ZBTB7C: variants seen among roughly 807,000 people sequenced by gnomAD.
ZBTB7C encodes the protein zinc finger and BTB domain containing 7C.
Under a neutral mutation model 25.7 loss-of-function variants are expected in ZBTB7C, and 8 were observed. The ratio of observed to expected loss-of-function variants is 0.31; its 90% confidence interval spans 0.18 to 0.56. The LOEUF is 0.56. Among genes scored for constraint, ZBTB7C ranks in the 20% least tolerant of loss-of-function variants. ZBTB7C has a pLI of 0.91. For missense variants in ZBTB7C, 824 were observed against 855.2 expected, an observed-to-expected ratio of 0.96 and a Z score of 0.46; for synonymous variants, 394 against 369.0, an observed-to-expected ratio of 1.07 and a Z score of -0.78.
intron 1 of ZBTB7C, among the ~76,000 whole-genome samples, chr18:48,371,595 C>G (rs544143304): frequency 6.6e-6 from 1 of 152,338 alleles, no homozygotes; most frequent in South Asian, 2.1e-4. Context: ...AGAGTGGGAG[C>G]TGGGCAGGAG....
rs150985763 is a variant in ZBTB7C at position 48,040,994 on chromosome 18, C to T, written c.114G>A (p.Leu38=). ...TCCGATACTCCTGCTCCTGCACCAC[C>T]AGGAGCACGTCACACAGCAGGCCAT... The part of the protein sequence containing the change: ...RHDGLLCDVL[L]VVQEQEYRTH... The change falls in exon 4 of 5, where the codon CTG becomes CTA. Residue 38 remains leucine (L), a synonymous_variant. Transcript: ENST00000590800. 1.0e-4 allele frequency: 165 copies of T among 1,614,050 alleles called. No individual in the cohort carries two copies. The highest frequency in any genetic ancestry group is 1.3e-4 in the Non-Finnish European group (158 of 1,180,032).
At chr18:48,195,208 G>A (rs1209885976) in intron 2 of ZBTB7C, among the ~76,000 whole-genome samples, 2 of 151,988 alleles carry the variant, frequency 1.3e-5, no homozygotes, top group African/African-American at 2.4e-5. Context: ...CTATTTTTTG[G>A]TAAATTGTTT....
intron 2 of ZBTB7C, among the ~76,000 whole-genome samples, chr18:48,285,255 T>C (rs909125176): frequency 9.9e-5 from 15 of 152,246 alleles, no homozygotes; most frequent in Non-Finnish European, 1.5e-4. Context: ...ACAGTAATTG[T>C]AGATTTGTCT....
intron 2 of ZBTB7C, among the ~76,000 whole-genome samples, chr18:48,245,643 A>G (rs540430404): frequency 4.3e-4 from 66 of 152,300 alleles, no homozygotes; most frequent in Non-Finnish European, 8.1e-4. Flanking sequence ...CATCAAAACA[A>G]GGGGGCAAAC....
chr18:48,094,276 TG>T (rs1347209855), intron 3 of ZBTB7C, among the ~76,000 whole-genome samples: 1 of 152,208 alleles, frequency 6.6e-6, no homozygotes, highest in Non-Finnish European at 1.5e-5. Flanking sequence ...TTTTAGCTCA[TG>T]TGCAACTATT....
At chr18:48,031,090 T>G (rs544478267) in intron 4 of ZBTB7C, among the ~76,000 whole-genome samples, 1 of 152,212 alleles carries the variant, frequency 6.6e-6, no homozygotes, top group Non-Finnish European at 1.5e-5. Flanking sequence ...AGATGTGGAG[T>G]CCAGGTGTCC....
intron 1 of ZBTB7C, among the ~76,000 whole-genome samples, chr18:48,361,459 T>C (rs955246996): frequency 6.6e-6 from 1 of 152,216 alleles, no homozygotes; most frequent in Non-Finnish European, 1.5e-5. Flanking sequence ...TTGCTAAACA[T>C]AGAAATCTAA....
At chr18:48,221,718 C>T (rs1374424038) in intron 2 of ZBTB7C, among the ~76,000 whole-genome samples, 3 of 150,232 alleles carry the variant, frequency 2.0e-5, no homozygotes, top group Admixed American at 2.0e-4. Context: ...TCCAAGTCTC[C>T]ATCTATACTG....
chr18:48,406,522 T>C (rs1016761303), intron 1 of ZBTB7C, among the ~76,000 whole-genome samples: 3 of 152,170 alleles, frequency 2.0e-5, no homozygotes, highest in Non-Finnish European at 4.4e-5. Context: ...GGAATGCTGA[T>C]GAGATTAGCA....
chr18:48,275,234 A>T (rs2044609891), intron 2 of ZBTB7C, among the ~76,000 whole-genome samples: 1 of 152,188 alleles, frequency 6.6e-6, no homozygotes, highest in Non-Finnish European at 1.5e-5. Flanking sequence ...ATGCATGCTA[A>T]TGACTGGCCC....
intron 1 of ZBTB7C, among the ~76,000 whole-genome samples, chr18:48,380,356 T>C (rs1297123854): frequency 1.3e-5 from 2 of 152,160 alleles, no homozygotes; most frequent in African/African-American, 4.8e-5. Context: ...TGGCAGATGG[T>C]GGGAGCCAGG....
chr18:48,231,346 T>C (rs893880300), intron 2 of ZBTB7C, among the ~76,000 whole-genome samples: 1 of 152,142 alleles, frequency 6.6e-6, no homozygotes, highest in African/African-American at 2.4e-5. Flanking sequence ...AAAACCCTGG[T>C]CTCAGCCAGA....
At chr18:48,382,656 A>G (rs1307849574) in intron 1 of ZBTB7C, among the ~76,000 whole-genome samples, 3 of 152,222 alleles carry the variant, frequency 2.0e-5, no homozygotes, top group Admixed American at 6.5e-5. Context: ...CCCTAATAGA[A>G]TATAACTCAA....
At chr18:48,293,125 G>C (rs899274819) in intron 2 of ZBTB7C, among the ~76,000 whole-genome samples, 5 of 152,226 alleles carry the variant, frequency 3.3e-5, no homozygotes, top group Admixed American at 1.3e-4. Flanking sequence ...AGTCCGTGTG[G>C]GCTGCCATAA....
chr18:48,272,849 G>A (rs548951181), intron 2 of ZBTB7C, among the ~76,000 whole-genome samples: 1 of 152,116 alleles, frequency 6.6e-6, no homozygotes, highest in African/African-American at 2.4e-5. Flanking sequence ...ATTTATGCTA[G>A]GACATGGATG....
At chr18:48,133,655 A>C (rs1291616293) in intron 3 of ZBTB7C, among the ~76,000 whole-genome samples, 1 of 151,978 alleles carries the variant, frequency 6.6e-6, no homozygotes, top group Non-Finnish European at 1.5e-5. Context: ...AAAATCAAAC[A>C]AAAATTAACA....
chr18:48,270,253 CTT>C (rs760096959), intron 2 of ZBTB7C, among the ~76,000 whole-genome samples: 9,489 of 98,132 alleles, frequency 0.097, 149 homozygotes, highest in East Asian at 0.13. Flanking sequence ...TTCTCTCTTT[CTT>C]TTTTTTTTTT....
intron 2 of ZBTB7C, among the ~76,000 whole-genome samples, chr18:48,211,643 A>T (rs1011607643): frequency 6.6e-6 from 1 of 152,226 alleles, no homozygotes; most frequent in African/African-American, 2.4e-5. Context: ...AGGAGACACT[A>T]CTGCATACCT....
chr18:48,089,753 G>T (rs757177210), intron 3 of ZBTB7C, among the ~76,000 whole-genome samples: 7 of 152,134 alleles, frequency 4.6e-5, no homozygotes, highest in Non-Finnish European at 7.3e-5. Flanking sequence ...ATAAAGTTTT[G>T]TCTTGAATCT....
Sources: gnomAD v4.1 joint callset for allele counts (sites outside exome capture counted in the v4.1 genomes callset) on GRCh38, gnomAD v4.1.1 for gene constraint, MANE v1.5 for transcripts, NCBI Gene and HGNC (gene_info 2026-07-23, HGNC 2026-07-21) for gene names.